GLG1: variants seen among roughly 807,000 people sequenced by gnomAD.
GLG1 encodes Golgi apparatus protein 1.
GLG1 carries 38 observed loss-of-function variants against 160.5 expected under a neutral mutation model. The ratio of observed to expected loss-of-function variants is 0.24; its 90% confidence interval spans 0.18 to 0.31. GLG1 has a LOEUF of 0.31. GLG1 is among the 10% of genes least tolerant of loss of function. The pLI is 1.00. For synonymous variants in GLG1, 644 were observed against 543.4 expected, an observed-to-expected ratio of 1.19 and a Z score of -2.57; for missense variants, 1,373 against 1,505.2, an observed-to-expected ratio of 0.91 and a Z score of 1.45.
intron 1 of GLG1, among the ~76,000 whole-genome samples, chr16:74,576,029 G>T (rs575204064): frequency 6.6e-6 from 1 of 152,108 alleles, no homozygotes; most frequent in Admixed American, 6.6e-5. Context: ...GTGAAACCCT[G>T]TCTCTACTAA....
chr16:74,477,819 C>A (rs2015441606), intron 11 of GLG1, among the ~76,000 whole-genome samples: 1 of 151,666 alleles, frequency 6.6e-6, no homozygotes, highest in Admixed American at 6.6e-5. Flanking sequence ...ACTAAACACA[C>A]AAAATTAGCC....
intron 1 of GLG1, among the ~76,000 whole-genome samples, chr16:74,595,364 G>C (rs1387289091): frequency 1.3e-5 from 2 of 149,944 alleles, no homozygotes; most frequent in Non-Finnish European, 3.0e-5. Flanking sequence ...GTTGAAACCT[G>C]GTCTCTACTA....
rs546229782 is a variant in GLG1, at chr16:74,447,691, G to C, written c.*5476C>G. 1 of 152,384 alleles carries C rather than the reference G, an allele frequency of 6.6e-6. No individual in the cohort carries two copies. The highest frequency in any genetic ancestry group is 1.5e-5 in the Non-Finnish European group (1 of 68,042). 9.4% of individuals were successfully genotyped at this position (152,384 alleles called of 1,614,324 possible). A position where few individuals can be genotyped will look rare whatever the true frequency, so the allele number is the denominator to read the frequency against. Reference sequence around the variant, plus strand: ...AAGCCTAAGATCTCACACAGCATTTGCTGTACAGACTGTTTTCCGGATGGA... The same window carrying C: ...AAGCCTAAGATCTCACACAGCATTTCCTGTACAGACTGTTTTCCGGATGGA... On this transcript the variant is annotated 3_prime_UTR_variant, in exon 26 of 26. Transcript: ENST00000422840.
At chr16:74,526,843 T>G (rs2017350094) in intron 2 of GLG1, among the ~76,000 whole-genome samples, 1 of 152,222 alleles carries the variant, frequency 6.6e-6, no homozygotes, top group African/African-American at 2.4e-5. Context: ...TATCACTCCT[T>G]TAGCACTCCT....
At position 74,459,535 on chromosome 16, in the gene GLG1, G is replaced by C. The variant is rs1190110911; in HGVS notation, c.3144+147C>G. 5 of 635,428 alleles carry C rather than the reference G, an allele frequency of 7.9e-6. No homozygotes were observed. The South Asian group carries it at 9.4e-5, about 12-fold the overall frequency. The allele number at this position is 635,428 out of a possible 1,614,324, so 39.4% of individuals were successfully genotyped here. Reference sequence around the variant, plus strand: ...GCAGTCAAAATCAAATGAAAGTTTGGTAAGAAGGAACAGCAAGAAAAGAGT... The same window carrying C: ...GCAGTCAAAATCAAATGAAAGTTTGCTAAGAAGGAACAGCAAGAAAAGAGT... On this transcript the variant is annotated intron_variant, in intron 23 of 25. Transcript: ENST00000422840.
intron 2 of GLG1, among the ~76,000 whole-genome samples, chr16:74,530,247 A>C (rs1198309342): frequency 6.6e-6 from 1 of 152,194 alleles, no homozygotes; most frequent in African/African-American, 2.4e-5. Context: ...TTATAGACAC[A>C]TCTCTATCCA....
chr16:74,514,575 C>T (rs568929938), intron 2 of GLG1, among the ~76,000 whole-genome samples: 83 of 152,272 alleles, frequency 5.5e-4, no homozygotes, highest in African/African-American at 1.9e-3. Flanking sequence ...AAATACTTTA[C>T]AGACAAGCAA....
At chr16:74,468,746 T>C in intron 17 of GLG1, 200 bp downstream of exon 17, 1 of 570,760 alleles carries the variant, frequency 1.8e-6, no homozygotes, top group East Asian at 2.9e-5. Flanking sequence ...CAGTTACATG[T>C]GGGAAGAAAG....
At chr16:74,589,187 A>G (rs981446378) in intron 1 of GLG1, among the ~76,000 whole-genome samples, 3 of 151,952 alleles carry the variant, frequency 2.0e-5, no homozygotes, top group African/African-American at 7.3e-5. Context: ...CCCAGGAGGC[A>G]GAGGTTGCAG....
chr16:74,498,160 C>T (rs1398638050), intron 4 of GLG1, among the ~76,000 whole-genome samples: 13 of 151,790 alleles, frequency 8.6e-5, no homozygotes, highest in Non-Finnish European at 1.6e-4. Context: ...TAGCCCGGCA[C>T]GATGGCTCAT....
At position 74,606,781 on chromosome 16, in the gene GLG1, C is replaced by A. The variant is rs777409511; in HGVS notation, c.314G>T (p.Gly105Val). ...GGPPARRGGAGAGGGWKLAEE... is the reference protein window; with the variant it reads ...GGPPARRGGAVAGGGWKLAEE... Reference sequence around the variant, plus strand: ...CGCCAGCTTCCAGCCCCCACCAGCCCCCGCTCCTCCCCGCCGGGCCGGAGG... The same window carrying A: ...CGCCAGCTTCCAGCCCCCACCAGCCACCGCTCCTCCCCGCCGGGCCGGAGG... Residue 105 changes from glycine to valine, a missense_variant, in exon 1 of 26, where the codon GGG becomes GTG. Coordinates refer to ENST00000422840, the MANE Select transcript of GLG1 (RefSeq NM_001145667.2). The A allele has an allele frequency of 1.9e-6, 3 of 1,605,850 alleles. No individual in the cohort carries two copies. The highest frequency in any genetic ancestry group is 2.6e-6 in the Non-Finnish European group (3 of 1,176,302).
chr16:74,589,096 CA>C (rs899786681), intron 1 of GLG1, among the ~76,000 whole-genome samples: 7 of 151,312 alleles, frequency 4.6e-5, no homozygotes, highest in African/African-American at 1.7e-4. Context: ...ACAACAACAA[CA>C]ACAAAAAATT....
At position 74,456,759 on chromosome 16, in the gene GLG1, T is replaced by C; in HGVS notation, c.3266-4A>G. On this transcript the variant is annotated splice_region_variant and splice_polypyrimidine_tract_variant and intron_variant, in intron 24 of 25. Coordinates refer to ENST00000422840, the MANE Select transcript of GLG1 (RefSeq NM_001145667.2). ...GCTTCCATGAGACAGGACATTTCTGTGGGAGGAAATGAATAATAAGAAGAA... is the reference window on the plus strand; with the variant it reads ...GCTTCCATGAGACAGGACATTTCTGCGGGAGGAAATGAATAATAAGAAGAA... 6.5e-7 allele frequency: 1 copy of C among 1,532,884 alleles called. No homozygotes were observed. Among genetic ancestry groups the C allele is most frequent in the South Asian group, 1.1e-5 (1 of 89,402 alleles). 95.0% of individuals were successfully genotyped at this position (1,532,884 alleles called of 1,614,324 possible).
chr16:74,530,236 T>G (rs2017487941), intron 2 of GLG1, among the ~76,000 whole-genome samples: 1 of 152,190 alleles, frequency 6.6e-6, no homozygotes, highest in African/African-American at 2.4e-5. Context: ...CAAATATCCT[T>G]TTATAGACAC....
intron 1 of GLG1, among the ~76,000 whole-genome samples, chr16:74,589,276 T>C (rs1958121720): frequency 6.6e-6 from 1 of 151,472 alleles, no homozygotes; most frequent in Admixed American, 6.6e-5. Context: ...AAAAGAACAA[T>C]TATGTTAAAC....
chr16:74,584,976 G>A (rs1958014604), intron 1 of GLG1, among the ~76,000 whole-genome samples: 2 of 151,974 alleles, frequency 1.3e-5, no homozygotes, highest in South Asian at 2.1e-4. Flanking sequence ...CGAGTAATGG[G>A]TGGACCAAAA....
intron 1 of GLG1, among the ~76,000 whole-genome samples, chr16:74,532,820 C>T (rs1238841973): frequency 6.6e-6 from 1 of 152,130 alleles, no homozygotes; most frequent in African/African-American, 2.4e-5. Flanking sequence ...AATTACCGTT[C>T]CCAGCCCCCA....
intron 6 of GLG1, among the ~76,000 whole-genome samples, chr16:74,494,337 C>A (rs998383262): frequency 6.6e-6 from 1 of 150,528 alleles, no homozygotes; most frequent in African/African-American, 2.4e-5. Context: ...AAGCGGTGAG[C>A]TTTATCAGTC....
chr16:74,471,096 G>C, intron 15 of GLG1, 77 bp downstream of exon 15: 1 of 844,384 alleles, frequency 1.2e-6, no homozygotes, highest in East Asian at 2.4e-5. Context: ...GAGGTGCTCT[G>C]ATGTTCCAAA....
Sources: allele counts gnomAD v4.1 joint callset (sites outside exome capture counted in the v4.1 genomes callset), GRCh38; gene constraint gnomAD v4.1.1; transcripts MANE v1.5; gene names NCBI Gene and HGNC (gene_info 2026-07-23, HGNC 2026-07-21).